The following MGAT4C variants were observed in gnomAD, a reference collection of about 807,000 sequenced individuals.
The protein encoded by MGAT4C is MGAT4 family member C.
In MGAT4C, 19 loss-of-function variants were observed where a neutral mutation model predicts 40.1. That is an observed-to-expected ratio of 0.47 (90% CI 0.33 to 0.70). The LOEUF is 0.70. Among genes scored for constraint, MGAT4C ranks in the 30% least tolerant of loss-of-function variants. The probability of loss-of-function intolerance (pLI) is 0.02; values close to 1 mark genes in which losing one functional copy is unlikely to be tolerated. For missense variants in MGAT4C, 491 were observed against 563.2 expected, an observed-to-expected ratio of 0.87 and a Z score of 1.30; for synonymous variants, 181 against 187.1, an observed-to-expected ratio of 0.97 and a Z score of 0.27.
At chr12:86,185,888 G>A (rs1272158205) in intron 1 of MGAT4C, among the ~76,000 whole-genome samples, 1 of 151,802 alleles carries the variant, frequency 6.6e-6, no homozygotes, top group Non-Finnish European at 1.5e-5. Context: ...TTAACAGGTG[G>A]TATTTTAAAT....
At chr12:86,274,788 G>T (rs1953029867) in intron 4 of MGAT4C, among the ~76,000 whole-genome samples, 1 of 152,200 alleles carries the variant, frequency 6.6e-6, no homozygotes, top group South Asian at 2.1e-4. Flanking sequence ...TCAGTTGTTT[G>T]CCTCCAGACT....
intron 2 of MGAT4C, among the ~76,000 whole-genome samples, chr12:86,013,468 C>T (rs1034197529): frequency 3.3e-5 from 5 of 151,954 alleles, no homozygotes; most frequent in African/African-American, 7.3e-5. Context: ...TACTTCCCCT[C>T]ATAAAAGATT....
chr12:86,515,934 C>T (rs1479404777), intron 2 of MGAT4C, among the ~76,000 whole-genome samples: 1 of 151,706 alleles, frequency 6.6e-6, no homozygotes, highest in African/African-American at 2.4e-5. Flanking sequence ...TTAGTAGAGA[C>T]GGGGTTTCAC....
At chr12:86,545,581 A>C (rs1162896768) in intron 2 of MGAT4C, among the ~76,000 whole-genome samples, 3 of 152,086 alleles carry the variant, frequency 2.0e-5, no homozygotes, top group Middle Eastern at 3.4e-3. Context: ...CTATAGTGTC[A>C]GATTATGATT....
At chr12:86,123,899 T>C (rs1201376120) in intron 1 of MGAT4C, among the ~76,000 whole-genome samples, 1 of 152,108 alleles carries the variant, frequency 6.6e-6, no homozygotes, top group Non-Finnish European at 1.5e-5. Flanking sequence ...TGTATGTGCA[T>C]TTTACTTATT....
At position 86,513,423 on chromosome 12, in the gene MGAT4C, C is replaced by T. The variant is rs576232907; in HGVS notation, c.-228-78158G>A. ...GGTTCCAGATGGTCTCCATTTCAGA[C>T]TTTTCATGACTGGTCTGAAAGCTTC... On this transcript the variant is annotated intron_variant, in intron 2 of 7. Transcript: ENST00000548651. Among the ~76,000 whole-genome samples the T allele has an allele frequency of 9.2e-5, 14 of 152,202 alleles. No individual in the cohort carries two copies. In the South Asian group the frequency reaches 2.5e-3, roughly 27 times the overall value.
chr12:86,413,646 T>A (rs549166113), intron 3 of MGAT4C, among the ~76,000 whole-genome samples: 1 of 152,278 alleles, frequency 6.6e-6, no homozygotes, highest in South Asian at 2.1e-4. Flanking sequence ...AGAGCAGAGA[T>A]GTTACAAAGT....
intron 1 of MGAT4C, among the ~76,000 whole-genome samples, chr12:86,123,117 C>T (rs1421495518): frequency 6.6e-6 from 1 of 152,120 alleles, no homozygotes; most frequent in Non-Finnish European, 1.5e-5. Context: ...AGTGCCGACC[C>T]TCCCAGAAAT....
intron 3 of MGAT4C, among the ~76,000 whole-genome samples, chr12:86,363,535 A>C (rs1955528962): frequency 6.6e-6 from 1 of 152,060 alleles, no homozygotes; most frequent in Non-Finnish European, 1.5e-5. Flanking sequence ...CAGTAACTTA[A>C]GCTTTCACAT....
intron 1 of MGAT4C, among the ~76,000 whole-genome samples, chr12:86,071,991 G>A (rs143875530): frequency 1.3e-5 from 2 of 151,534 alleles, no homozygotes; most frequent in African/African-American, 4.9e-5. Flanking sequence ...CTGTGAAGAT[G>A]TTCAGACTAT....
At chr12:86,287,174 G>A (rs1400297893) in intron 4 of MGAT4C, among the ~76,000 whole-genome samples, 2 of 151,928 alleles carry the variant, frequency 1.3e-5, no homozygotes, top group African/African-American at 2.4e-5. Context: ...CTTTCCCAAA[G>A]CGGTGAACTA....
At chr12:86,743,579 T>C (rs1951106798) in intron 1 of MGAT4C, among the ~76,000 whole-genome samples, 1 of 151,528 alleles carries the variant, frequency 6.6e-6, no homozygotes, top group Non-Finnish European at 1.5e-5. Flanking sequence ...ATTAGCCGGA[T>C]AGTATGAAAT....
At position 86,052,415 on chromosome 12, in the gene MGAT4C, C is replaced by G. The variant is rs145481407; in HGVS notation, c.-56-2692G>C. On this transcript the variant is annotated intron_variant, in intron 1 of 4. Coordinates refer to ENST00000611864, the MANE Select transcript of MGAT4C (RefSeq NM_001351288.2). ...TCTACATTAATATATATTTTGAATA[C>G]ACATTCAATAAATTTCTAATTTTGA... 4.2e-3 allele frequency among the ~76,000 whole-genome samples: 645 copies of G among 151,948 alleles called. 5 individuals carry two copies. The highest frequency in any genetic ancestry group is 0.015 in the African/African-American group (621 of 41,512).
chr12:86,735,106 C>T (rs995790373), intron 1 of MGAT4C, among the ~76,000 whole-genome samples: 2 of 151,926 alleles, frequency 1.3e-5, no homozygotes, highest in Admixed American at 1.3e-4. Flanking sequence ...GGATGCTTTG[C>T]TATTCAGGGA....
At position 86,612,328 on chromosome 12, in the gene MGAT4C, G is replaced by C. The variant is rs1158004847; in HGVS notation, c.-229+114881C>G. ...CTTGGCCTAACTATCATTTCTATTA[G>C]CTAGCTGTACATCTTTCTCTGTTCT... On this transcript the variant is annotated intron_variant, in intron 2 of 7. Coordinates refer to the MGAT4C transcript ENST00000548651. 2.0e-5 allele frequency among the ~76,000 whole-genome samples: 3 copies of C among 151,998 alleles called. No homozygotes were observed. The East Asian group carries it at 5.8e-4, about 29-fold the overall frequency.
chr12:86,156,164 TA>T (rs1354961246), intron 1 of MGAT4C, among the ~76,000 whole-genome samples: 1 of 152,192 alleles, frequency 6.6e-6, no homozygotes, highest in Non-Finnish European at 1.5e-5. Context: ...TGCTATTAAT[TA>T]ATGAGTTAAA....
At chr12:86,678,438 T>C (rs2136574764) in intron 2 of MGAT4C, among the ~76,000 whole-genome samples, 1 of 152,026 alleles carries the variant, frequency 6.6e-6, no homozygotes, top group African/African-American at 2.4e-5. Context: ...TTTATTTTAT[T>C]ATTATTATAC....
At chr12:86,343,986 A>G (rs1486332013) in intron 3 of MGAT4C, among the ~76,000 whole-genome samples, 2 of 152,182 alleles carry the variant, frequency 1.3e-5, no homozygotes, top group Non-Finnish European at 2.9e-5. Flanking sequence ...GGAGTTTAGC[A>G]GTGCTGCCAT....
chr12:86,072,074 T>G (rs531257791), intron 1 of MGAT4C, among the ~76,000 whole-genome samples: 11 of 147,982 alleles, frequency 7.4e-5, no homozygotes, highest in African/African-American at 2.9e-4. Flanking sequence ...CAACCACTAT[T>G]GAAATCTCTT....
Sources: allele counts gnomAD v4.1 joint callset (sites outside exome capture counted in the v4.1 genomes callset), GRCh38; gene constraint gnomAD v4.1.1; transcripts MANE v1.5; gene names NCBI Gene and HGNC (gene_info 2026-07-23, HGNC 2026-07-21).